Variants in ST3GAL5 observed in about 807,000 individuals in gnomAD.
ST3GAL5 encodes lactosylceramide alpha-2,3-sialyltransferase.
A neutral mutation model predicts 46.1 loss-of-function variants in ST3GAL5; 25 were observed. That is an observed-to-expected ratio of 0.54 (90% CI 0.40 to 0.76). The LOEUF (loss-of-function observed/expected upper bound fraction) is 0.76. Ranked by LOEUF, ST3GAL5 falls within the 30% of genes least tolerant of loss-of-function variation. ST3GAL5 has a pLI of 0.00. For missense variants in ST3GAL5, 431 were observed against 521.2 expected (o/e 0.83, Z 1.69); for synonymous variants, 182 against 192.7 (o/e 0.94, Z 0.46).
At chr2:85,856,584 T>TC (rs140528927) in intron 3 of ST3GAL5, 1 of 152,034 alleles carries the variant, frequency 6.6e-6, no homozygotes, top group Non-Finnish European at 1.5e-5. Context: ...CTTTTTTTTT[T>TC]CTCAGTGTCT....
At chr2:85,866,856 C>T (rs1307040913) in intron 1 of ST3GAL5, among the ~76,000 whole-genome samples, 1 of 152,142 alleles carries the variant, frequency 6.6e-6, no homozygotes, top group Non-Finnish European at 1.5e-5. Context: ...AGAAACATCT[C>T]GAATGGAATG....
chr2:85,870,211 C>T (rs554056029), intron 1 of ST3GAL5: 170 of 470,978 alleles, frequency 3.6e-4, no homozygotes, highest in Admixed American at 1.3e-3. Context: ...AATGCAGATT[C>T]CATGCAAGCA....
At chr2:85,854,214 T>A (rs1384951704) in intron 3 of ST3GAL5, 1 of 152,092 alleles carries the variant, frequency 6.6e-6, no homozygotes, top group Non-Finnish European at 1.5e-5. Flanking sequence ...AGCACTGGGG[T>A]GACATGGTAG....
intron 2 of ST3GAL5, among the ~76,000 whole-genome samples, chr2:85,862,200 T>G (rs1028709230): frequency 3.9e-5 from 6 of 151,946 alleles, no homozygotes; most frequent in African/African-American, 7.3e-5. Context: ...CTTGGACAAG[T>G]TGGGATTATG....
intron 3 of ST3GAL5, chr2:85,855,702 A>G (rs894197838): frequency 2.6e-5 from 4 of 152,268 alleles, no homozygotes; most frequent in Non-Finnish European, 5.9e-5. Context: ...CATACCAGAT[A>G]TAGGGTACTG....
intron 1 of ST3GAL5, among the ~76,000 whole-genome samples, chr2:85,884,537 G>A (rs1171989914): frequency 6.6e-6 from 1 of 152,204 alleles, no homozygotes; most frequent in Middle Eastern, 3.2e-3. Flanking sequence ...TCTAGACGAA[G>A]GATGAGCAAG....
In ST3GAL5 at chr2:85,846,642, C is replaced by T; in HGVS notation, c.663-79G>A. On this transcript the variant is annotated intron_variant, in intron 4 of 6. Transcript: ENST00000638572. Reference sequence around the variant, plus strand: ...TCTGTACACCAGGCAGTATCCATGTCATGTCCTCCACGTCTTCTTATGACT... The same window carrying T: ...TCTGTACACCAGGCAGTATCCATGTTATGTCCTCCACGTCTTCTTATGACT... 2.9e-6 allele frequency: 4 copies of T among 1,376,424 alleles called. No homozygotes were observed. In the South Asian group the frequency reaches 4.7e-5, roughly 16 times the overall value. The allele number at this position is 1,376,424 out of a possible 1,614,324, so 85.3% of individuals were successfully genotyped here. A position where few individuals can be genotyped will look rare whatever the true frequency, so the allele number is the denominator to read the frequency against.
In ST3GAL5 at chr2:85,837,798, A is replaced by C. The variant is rs1006203936; in HGVS notation, c.*2346T>G. On this transcript the variant is annotated 3_prime_UTR_variant, in exon 7 of 7. Transcript: ENST00000638572. ...CATGTTAAAATACAGAACATGTGTA[A>C]GTCTTCCTAAGTTGCCTCAGAACCA... The C allele has an allele frequency of 6.6e-6, 1 of 152,228 alleles. No homozygotes were observed. Among genetic ancestry groups the C allele is most frequent in the Non-Finnish European group, 1.5e-5 (1 of 68,036 alleles). 9.4% of individuals were successfully genotyped at this position (152,228 alleles called of 1,614,324 possible).
At chr2:85,844,596 G>T in intron 5 of ST3GAL5, 42 bp from the exon 6 acceptor site, 1 of 1,612,730 alleles carries the variant, frequency 6.2e-7, no homozygotes. Flanking sequence ...TCCTTCTAGG[G>T]GAGGGGAGAA....
chr2:85,872,725 A>G (rs1373531879), intron 1 of ST3GAL5, among the ~76,000 whole-genome samples: 2 of 152,162 alleles, frequency 1.3e-5, no homozygotes, highest in Non-Finnish European at 2.9e-5. Context: ...GTGCACCTAG[A>G]CTGGTACCTA....
At chr2:85,844,658 G>T in intron 5 of ST3GAL5, 104 bp from the exon 6 acceptor site, 1 of 1,490,448 alleles carries the variant, frequency 6.7e-7, no homozygotes, top group Non-Finnish European at 9.2e-7. Flanking sequence ...ATGTGGCCCT[G>T]TGCACTGCCT....
intron 1 of ST3GAL5, chr2:85,867,715 A>C: frequency 1.3e-6 from 1 of 773,374 alleles, no homozygotes; most frequent in Admixed American, 1.7e-5. Context: ...TACTGAAGGA[A>C]TGTATAGGAC....
rs184294184 is a variant in ST3GAL5, at chr2:85,865,433, T to C, written c.83-1948A>G. On this transcript the variant is annotated intron_variant, in intron 1 of 6. Coordinates refer to ENST00000638572, the MANE Select transcript of ST3GAL5 (RefSeq NM_003896.4). ...TTCTAATTCTGTGTAGCAAGAGTTT[T>C]TATCATTATGTATAATTCTATCAAA... Among the ~76,000 whole-genome samples, 28 of 152,332 alleles carry C rather than the reference T, an allele frequency of 1.8e-4. No individual in the cohort carries two copies. The East Asian group carries it at 5.4e-3, about 29-fold the overall frequency.
At position 85,872,074 on chromosome 2, in the gene ST3GAL5, C is replaced by G. The variant is rs11894301; in HGVS notation, c.83-8589G>C. Among the ~76,000 whole-genome samples the G allele has an allele frequency of 2.0e-3, 302 of 152,238 alleles. 2 individuals are homozygous for G. The highest frequency in any genetic ancestry group is 7.1e-3 in the African/African-American group (293 of 41,552). ...GACAAGGCAGGATCCTGGGCCCTCC[C>G]TACTGTGGTGTCCAGGCAGGAGGGG... On this transcript the variant is annotated intron_variant, in intron 1 of 6. Transcript: ENST00000638572.
At chr2:85,861,053 A>T in intron 3 of ST3GAL5, 128 bp downstream of exon 3, 1 of 732,018 alleles carries the variant, frequency 1.4e-6, no homozygotes, top group Non-Finnish European at 2.4e-6. Context: ...TGCTGAGATT[A>T]AGTGCTTTCC....
chr2:85,870,054 C>T (rs1685749129), intron 1 of ST3GAL5: 2 of 372,470 alleles, frequency 5.4e-6, no homozygotes, highest in African/African-American at 4.2e-5. Context: ...AATAAAACTA[C>T]AGACATGCCC....
At chr2:85,851,078 G>A (rs548752330) in intron 3 of ST3GAL5, 4 of 192,790 alleles carry the variant, frequency 2.1e-5, no homozygotes, top group South Asian at 1.7e-4. Flanking sequence ...TGACACACCC[G>A]GCTACTTTTT....
At position 85,886,718 on chromosome 2, in the gene ST3GAL5, G is replaced by A. The variant is rs115137346; in HGVS notation, c.82+2106C>T. Among the ~76,000 whole-genome samples the A allele has an allele frequency of 5.7e-3, 870 of 152,192 alleles. 5 individuals are homozygous for A. Among genetic ancestry groups the A allele is most frequent in the African/African-American group, 0.02 (818 of 41,496 alleles). On this transcript the variant is annotated intron_variant, in intron 1 of 6. Coordinates refer to ENST00000638572, the MANE Select transcript of ST3GAL5 (RefSeq NM_003896.4). ...CTCCCGGGCGAGCCTGCGTGTCACC[G>A]TCATATTTATGGTTTCCTCCCACAC...
chr2:85,883,144 A>G (rs1687365537), intron 1 of ST3GAL5, among the ~76,000 whole-genome samples: 1 of 152,152 alleles, frequency 6.6e-6, no homozygotes, highest in Non-Finnish European at 1.5e-5. Flanking sequence ...GAGGAATGCT[A>G]TGATTTGGCT....
Sources: gnomAD v4.1 joint callset for allele counts (sites outside exome capture counted in the v4.1 genomes callset) on GRCh38, gnomAD v4.1.1 for gene constraint, MANE v1.5 for transcripts, NCBI Gene and HGNC (gene_info 2026-07-23, HGNC 2026-07-21) for gene names.